Variants in SRPX2 observed in about 807,000 individuals in gnomAD.
SRPX2 encodes the protein sushi repeat containing protein X-linked 2, also known as sushi repeat-containing protein SRPX2.
Under a neutral mutation model 45.3 loss-of-function variants are expected in SRPX2, and 26 were observed. The observed-to-expected ratio is 0.57, with a 90% CI of 0.42 to 0.80. The LOEUF is 0.80. Ranked by LOEUF, SRPX2 falls within the 30% of genes least tolerant of loss-of-function variation. The probability of loss-of-function intolerance (pLI) is 0.00; values close to 1 mark genes in which losing one functional copy is unlikely to be tolerated. For missense variants in SRPX2, 355 were observed against 399.8 expected, an observed-to-expected ratio of 0.89 and a Z score of 0.95; for synonymous variants, 125 against 143.7, an observed-to-expected ratio of 0.87 and a Z score of 0.93.
chrX:100,650,800 C>T lies in SRPX2; in HGVS notation c.98C>T (p.Pro33Leu), dbSNP rs374870686. 2.0e-5 allele frequency: 24 copies of T among 1,208,223 alleles called. No homozygotes were observed. Among genetic ancestry groups the T allele is most frequent in the African/African-American group, 7.0e-5 (4 of 57,029 alleles). ...CTTATTCTAGGTTCTGGCTACTATC[C>T]GGATGAAAGCTACAATGAAGTATAT... is the stretch of plus-strand genomic sequence containing the variant. Reference protein sequence around the residue: ...PTWYAGSGYYPDESYNEVYAE... With the variant: ...PTWYAGSGYYLDESYNEVYAE... Residue 33 changes from proline (P) to leucine (L), a missense_variant, in exon 3 of 11, where the codon CCG (proline) becomes CTG (leucine). Coordinates refer to ENST00000373004, the MANE Select transcript of SRPX2 (RefSeq NM_014467.3).
Position 100,662,375 on chromosome X carries a change from G to T in SRPX2, c.355+8G>T, listed in dbSNP as rs772952088. 8.3e-6 allele frequency: 10 copies of T among 1,211,058 alleles called. No individual in the cohort carries two copies. The highest frequency in any genetic ancestry group is 1.1e-5 in the Non-Finnish European group (10 of 895,464). The stretch of plus-strand genomic sequence containing the variant: ...GAACTGCCTACTGCAGGCGTAAGTT[G>T]TGTGTGTGCATATGCTGATGTATGT... On this transcript the variant is annotated splice_region_variant and intron_variant, in intron 4 of 10. Coordinates refer to ENST00000373004, the MANE Select transcript of SRPX2 (RefSeq NM_014467.3).
At chrX:100,670,175 T>TATC (rs1229303645) in intron 10 of SRPX2, among the ~76,000 whole-genome samples, 3 of 111,589 alleles carry the variant, frequency 2.7e-5, no homozygotes, top group Non-Finnish European at 5.7e-5. Flanking sequence ...TCTTTCTCAT[T>TATC]ATCTATCCAG....
At chrX:100,662,684 A>C (rs996241319) in intron 4 of SRPX2, among the ~76,000 whole-genome samples, 8 of 112,165 alleles carry the variant, frequency 7.1e-5, no homozygotes, top group African/African-American at 2.6e-4. Context: ...GGAGCTCCTA[A>C]GGATGTGTGG....
chrX:100,657,349 C>CTTTTT (rs1163232018), intron 3 of SRPX2, among the ~76,000 whole-genome samples: 558 of 28,379 alleles, frequency 0.02, 153 homozygotes, highest in African/African-American at 0.048. Flanking sequence ...TTATTTATGT[C>CTTTTT]TTTTTTTTTT....
intron 3 of SRPX2, among the ~76,000 whole-genome samples, chrX:100,655,863 T>TG (rs2083167299): frequency 1.0e-5 from 1 of 99,501 alleles, no homozygotes; most frequent in Non-Finnish European, 2.0e-5. Flanking sequence ...GAGTTTTTTT[T>TG]TTTTTTTTTT....
Position 100,672,096 on chromosome X carries a change from G to A in SRPX2, c.*1109G>A, listed in dbSNP as rs995996190. ...TCTTCAGATACTTGTCCCCTTTTGAGAGATGAGCACAGAGCAGGTGGGAGC... is the reference window on the plus strand; with the variant it reads ...TCTTCAGATACTTGTCCCCTTTTGAAAGATGAGCACAGAGCAGGTGGGAGC... On this transcript the variant is annotated 3_prime_UTR_variant, in exon 11 of 11. Coordinates refer to ENST00000373004, the MANE Select transcript of SRPX2 (RefSeq NM_014467.3). 8.9e-6 allele frequency: 1 copy of A among 112,558 alleles called. No homozygotes were observed. Among genetic ancestry groups the A allele is most frequent in the African/African-American group, 3.2e-5 (1 of 30,980 alleles). 9.3% of individuals were successfully genotyped at this position (112,558 alleles called of 1,213,427 possible).
Position 100,673,396 on chromosome X carries a change from A to G in SRPX2, c.*2409A>G, listed in dbSNP as rs1169325092. On this transcript the variant is annotated 3_prime_UTR_variant, in exon 11 of 11. Transcript: ENST00000373004. ...GTAGTCCTTTGAAGATGAGGATTTG[A>G]GAAATCCCAACTCCTAAAGTAGGGG... The G allele has an allele frequency of 9.0e-6, 1 of 111,581 alleles. No individual in the cohort carries two copies. The highest frequency in any genetic ancestry group is 9.5e-5 in the Admixed American group (1 of 10,503). The allele number at this position is 111,581 out of a possible 1,213,427, so 9.2% of individuals were successfully genotyped here. A position where few individuals can be genotyped will look rare whatever the true frequency, so the allele number is the denominator to read the frequency against.
intron 8 of SRPX2, 137 bp downstream of exon 8, chrX:100,667,070 G>T: frequency 1.0e-6 from 1 of 996,918 alleles, no homozygotes; most frequent in Non-Finnish European, 1.4e-6. Context: ...TAATTTAAAG[G>T]CCAACATTCC....
At chrX:100,658,598 T>A (rs1034924333) in intron 3 of SRPX2, among the ~76,000 whole-genome samples, 5 of 112,241 alleles carry the variant, frequency 4.5e-5, no homozygotes, top group African/African-American at 1.6e-4. Context: ...TCTGGCTCTT[T>A]TTTAGTTCCA....
At chrX:100,646,457 C>G in intron 2 of SRPX2, 53 bp downstream of exon 2, 1 of 1,062,485 alleles carries the variant, frequency 9.4e-7, no homozygotes, top group Non-Finnish European at 1.3e-6. Flanking sequence ...GGTCCTAGAC[C>G]AAGACTTGGA....
At chrX:100,655,015 G>A (rs914387939) in intron 3 of SRPX2, among the ~76,000 whole-genome samples, 4 of 111,153 alleles carry the variant, frequency 3.6e-5, no homozygotes, top group African/African-American at 9.8e-5. Context: ...CAAAACTCTC[G>A]TCAGCACTTT....
rs1401650719 is a variant in SRPX2, at chrX:100,662,360, C to T, written c.348C>T (p.Tyr116=). The T allele has an allele frequency of 8.3e-7, 1 of 1,211,477 alleles. No individual in the cohort carries two copies. The highest frequency in any genetic ancestry group is 1.1e-6 in the Non-Finnish European group (1 of 895,637). Residue 116 remains tyrosine (Y), a synonymous_variant, in exon 4 of 11, where the codon TAC becomes TAT. Coordinates refer to ENST00000373004, the MANE Select transcript of SRPX2 (RefSeq NM_014467.3). ...GCCGTCGTTGGTCTGGAACTGCCTA[C>T]TGCAGGCGTAAGTTGTGTGTGTGCA... The part of the protein sequence containing the change: ...LPSRRWSGTA[Y]CRQMRCHALP...
At position 100,665,821 on chromosome X, in the gene SRPX2, A is replaced by G. The variant is rs751089728; in HGVS notation, c.781+164A>G. On this transcript the variant is annotated intron_variant, in intron 7 of 10. Coordinates refer to ENST00000373004, the MANE Select transcript of SRPX2 (RefSeq NM_014467.3). ...GGCTTATTTAGGAAGCCAGCGTTAC[A>G]TGTGCATACATATGTTTCTGAAACC... Among the ~76,000 whole-genome samples, 6 of 112,245 alleles carry G rather than the reference A, an allele frequency of 5.3e-5. No homozygotes were observed. In the East Asian group the frequency reaches 1.4e-3, roughly 26 times the overall value.
intron 3 of SRPX2, among the ~76,000 whole-genome samples, chrX:100,656,847 T>A (rs912634918): frequency 3.2e-4 from 36 of 111,699 alleles, no homozygotes; most frequent in African/African-American, 9.4e-4. Context: ...GTGGGACTGC[T>A]GAATCATACG....
At chrX:100,651,639 A>C (rs1161196236) in intron 3 of SRPX2, among the ~76,000 whole-genome samples, 1 of 109,743 alleles carries the variant, frequency 9.1e-6, no homozygotes, top group African/African-American at 3.3e-5. Flanking sequence ...AAAATTAGCC[A>C]GGCATGGTGG....
Position 100,675,314 on chromosome X carries a change from T to A in SRPX2, c.*4327T>A, listed in dbSNP as rs2083258700. 8.9e-6 allele frequency: 1 copy of A among 112,449 alleles called. No individual in the cohort carries two copies. The highest frequency in any genetic ancestry group is 1.9e-5 in the Non-Finnish European group (1 of 53,290). 9.3% of individuals were successfully genotyped at this position (112,449 alleles called of 1,213,427 possible). On this transcript the variant is annotated 3_prime_UTR_variant, in exon 11 of 11. Coordinates refer to ENST00000373004, the MANE Select transcript of SRPX2 (RefSeq NM_014467.3). ...CGTGATTTAGTCAAAATACATTATC[T>A]AATTAAAGTGCTTTTCAAAAGCAGC...
chrX:100,670,393 T>G (rs1468601236), intron 10 of SRPX2, among the ~76,000 whole-genome samples: 1 of 110,774 alleles, frequency 9.0e-6, no homozygotes, highest in African/African-American at 3.3e-5. Context: ...GATGGAAGAG[T>G]TAACCAGAAG....
intron 3 of SRPX2, among the ~76,000 whole-genome samples, chrX:100,657,761 G>C (rs891985155): frequency 9.0e-6 from 1 of 111,487 alleles, no homozygotes; most frequent in Non-Finnish European, 1.9e-5. Flanking sequence ...ATATCTGTTG[G>C]CCATTTGTGT....
chrX:100,664,724 C>G, intron 4 of SRPX2, 50 bp from the exon 5 acceptor site: 1 of 1,148,113 alleles, frequency 8.7e-7, no homozygotes, highest in Non-Finnish European at 1.2e-6. Context: ...CAGGCATCAC[C>G]TCCAGATAGT....
Sources: allele counts gnomAD v4.1 joint callset (sites outside exome capture counted in the v4.1 genomes callset), GRCh38; gene constraint gnomAD v4.1.1; transcripts MANE v1.5; gene names NCBI Gene and HGNC (gene_info 2026-07-23, HGNC 2026-07-21).